Variants in OPRM1 observed in about 807,000 individuals in gnomAD.
OPRM1 encodes the protein mu-type opioid receptor.
Under a neutral mutation model 31.8 loss-of-function variants are expected in OPRM1, and 27 were observed. The observed-to-expected ratio is 0.85, with a 90% CI of 0.63 to 1.17. The LOEUF (loss-of-function observed/expected upper bound fraction) is 1.17, where lower values mean the gene tolerates loss of function less well. OPRM1 is among the 50% of genes most tolerant of loss of function. The probability of loss-of-function intolerance (pLI) is 0.00; values close to 1 mark genes in which losing one functional copy is unlikely to be tolerated. For missense variants in OPRM1, 536 were observed against 511.1 expected, an observed-to-expected ratio of 1.05 and a Z score of -0.47; for synonymous variants, 196 against 189.9, an observed-to-expected ratio of 1.03 and a Z score of -0.26.
chr6:154,029,348 A>T (rs904415031), intron 1 of OPRM1, among the ~76,000 whole-genome samples: 1 of 152,226 alleles, frequency 6.6e-6, no homozygotes, highest in Admixed American at 6.5e-5. Context: ...TTGTAAGATT[A>T]TCTGTTTCTA....
rs574205758 is a variant in OPRM1 at position 154,117,614 on chromosome 6, A to C, written c.1165-1069A>C. Among the ~76,000 whole-genome samples the C allele has an allele frequency of 2.3e-4, 35 of 152,288 alleles. No homozygotes were observed. In the East Asian group the frequency reaches 6.2e-3, roughly 27 times the overall value. On this transcript the variant is annotated intron_variant, in intron 3 of 3. Transcript: ENST00000330432. ...ACCTCCCCTACGATCAAGCAGCCAC[A>C]TCATGGTCAGTGCTGTGCTCGCCTG...
chr6:154,159,791 G>A (rs1467567384), intron 3 of OPRM1: 4 of 1,500,770 alleles, frequency 2.7e-6, no homozygotes, highest in Non-Finnish European at 3.7e-6. Flanking sequence ...AGAGTTGCTT[G>A]TGATAAAATA....
At chr6:154,195,789 C>T (rs1436057956) in intron 3 of OPRM1, among the ~76,000 whole-genome samples, 1 of 114,864 alleles carries the variant, frequency 8.7e-6, no homozygotes, top group African/African-American at 4.0e-5. Context: ...ACCTTGTTCA[C>T]AATTTTTTTT....
At chr6:154,105,420 A>G (rs941532630) in intron 3 of OPRM1, among the ~76,000 whole-genome samples, 18 of 152,374 alleles carry the variant, frequency 1.2e-4, no homozygotes, top group African/African-American at 3.8e-4. Context: ...ATTCATGAAC[A>G]TTCCATGTCT....
In OPRM1 at chr6:154,129,389, C is replaced by T. The variant is rs903767562; in HGVS notation, c.*10668C>T. On this transcript the variant is annotated 3_prime_UTR_variant, in exon 4 of 4. Coordinates refer to ENST00000330432, the MANE Select transcript of OPRM1 (RefSeq NM_000914.5). The stretch of plus-strand genomic sequence containing the variant: ...GGGTTTAGGCCAGGCGGGCCCAGGC[C>T]TGGTTTCGGGCCTGGCGCTGAGCTG... Among the ~76,000 whole-genome samples the T allele has an allele frequency of 1.5e-4, 23 of 152,172 alleles. No individual in the cohort carries two copies. The highest frequency in any genetic ancestry group is 4.6e-4 in the African/African-American group (19 of 41,448).
chr6:154,204,537 C>T (rs899887921), intron 3 of OPRM1, among the ~76,000 whole-genome samples: 8 of 152,134 alleles, frequency 5.3e-5, no homozygotes, highest in African/African-American at 1.9e-4. Context: ...AGAAGCATCA[C>T]CCTAAATACC....
intron 1 of OPRM1, among the ~76,000 whole-genome samples, chr6:154,064,424 C>A (rs1562417329): frequency 1.3e-5 from 2 of 151,954 alleles, no homozygotes; most frequent in Admixed American, 6.6e-5. Context: ...AAATATATTT[C>A]TCATTCTGTA....
intron 3 of OPRM1, among the ~76,000 whole-genome samples, chr6:154,114,326 A>G (rs1299416967): frequency 6.6e-6 from 1 of 152,192 alleles, no homozygotes; most frequent in Non-Finnish European, 1.5e-5. Context: ...CCTGTATCTT[A>G]TCAGAATTAA....
chr6:154,130,091 T>G lies in OPRM1; in HGVS notation c.*11370T>G, dbSNP rs1797806720. Among the ~76,000 whole-genome samples, 1 of 17,528 alleles carries G rather than the reference T, an allele frequency of 5.7e-5. No homozygotes were observed. The highest frequency in any genetic ancestry group is 1.6e-4 in the African/African-American group (1 of 6,178). 11.5% of individuals were successfully genotyped at this position (17,528 alleles called of 152,430 possible). A position where few individuals can be genotyped will look rare whatever the true frequency, so the allele number is the denominator to read the frequency against. On this transcript the variant is annotated 3_prime_UTR_variant, in exon 4 of 4. Transcript: ENST00000330432. ...AGAATTTGCTTTCAATTATACTATC[T>G]CTATCTAAATCTTAATTTGAAATTT...
At chr6:154,229,196 T>C (rs1308754743) in intron 3 of OPRM1, among the ~76,000 whole-genome samples, 3 of 152,240 alleles carry the variant, frequency 2.0e-5, no homozygotes, top group Non-Finnish European at 4.4e-5. Flanking sequence ...AATAACTGTG[T>C]TGTTCATACA....
At chr6:154,090,812 G>T (rs1459567764) in intron 2 of OPRM1, 140 bp from the exon 3 acceptor site, 1 of 733,266 alleles carries the variant, frequency 1.4e-6, no homozygotes, top group African/African-American at 1.8e-5. Context: ...ACAAACAACT[G>T]AGTTTCTTCC....
At chr6:154,142,002 T>C (rs1262356614) in intron 3 of OPRM1, among the ~76,000 whole-genome samples, 1 of 152,200 alleles carries the variant, frequency 6.6e-6, no homozygotes, top group Admixed American at 6.5e-5. Flanking sequence ...AGATCTGTGG[T>C]ACTGGTATCA....
rs190737634 is a variant in OPRM1, at chr6:154,209,540, G to A, written c.1165-37153G>A. 2.3e-3 allele frequency among the ~76,000 whole-genome samples: 347 copies of A among 151,926 alleles called. 2 individuals carry two copies. The highest frequency in any genetic ancestry group is 7.7e-3 in the African/African-American group (319 of 41,424). ...TGCACACCTGTAGTCCCAGCTACTC[G>A]GGGGGCCGAGGTGGGAGGATGACCT... On this transcript the variant is annotated intron_variant, in intron 3 of 3. Coordinates refer to the OPRM1 transcript ENST00000337049.
At chr6:154,044,483 C>CG (rs1277720552) in intron 1 of OPRM1, among the ~76,000 whole-genome samples, 1 of 151,856 alleles carries the variant, frequency 6.6e-6, no homozygotes, top group African/African-American at 2.4e-5. Context: ...AACAAACATT[C>CG]GGGCCATTAA....
chr6:154,056,210 G>A (rs1220726205), intron 1 of OPRM1, among the ~76,000 whole-genome samples: 4 of 151,882 alleles, frequency 2.6e-5, no homozygotes, highest in African/African-American at 4.8e-5. Flanking sequence ...TGCAACCTCC[G>A]CCTCCCAGGT....
intron 3 of OPRM1, among the ~76,000 whole-genome samples, chr6:154,110,758 G>A (rs114945797): frequency 0.017 from 2,518 of 152,098 alleles, 63 homozygotes; most frequent in African/African-American, 0.059. Context: ...GTGGTGGCGG[G>A]CACCTGTAGT....
intron 3 of OPRM1, among the ~76,000 whole-genome samples, chr6:154,245,156 G>C (rs770055218): frequency 6.6e-6 from 1 of 152,170 alleles, no homozygotes; most frequent in African/African-American, 2.4e-5. Context: ...TAGACAAGAT[G>C]AAGAATGTAT....
chr6:154,215,878 C>A (rs1778354502), intron 3 of OPRM1, among the ~76,000 whole-genome samples: 1 of 152,090 alleles, frequency 6.6e-6, no homozygotes, highest in Non-Finnish European at 1.5e-5. Context: ...AAAAAAATTT[C>A]TCAGCCTCAA....
At chr6:154,063,676 C>T (rs1291677654) in intron 1 of OPRM1, among the ~76,000 whole-genome samples, 3 of 152,004 alleles carry the variant, frequency 2.0e-5, no homozygotes, top group Non-Finnish European at 4.4e-5. Flanking sequence ...CTCCCAAACC[C>T]TGGTAATCAC....
Sources: gnomAD v4.1 joint callset for allele counts (sites outside exome capture counted in the v4.1 genomes callset) on GRCh38, gnomAD v4.1.1 for gene constraint, MANE v1.5 for transcripts, NCBI Gene and HGNC (gene_info 2026-07-23, HGNC 2026-07-21) for gene names.